LRRC69: variants seen among roughly 807,000 people sequenced by gnomAD.
The protein encoded by LRRC69 is leucine rich repeat containing 69, also known as leucine-rich repeat-containing protein 69.
Under a neutral mutation model 37.8 loss-of-function variants are expected in LRRC69, and 42 were observed. The observed-to-expected ratio is 1.11, with a 90% CI of 0.87 to 1.44. The LOEUF (loss-of-function observed/expected upper bound fraction) is 1.44, where lower values mean the gene tolerates loss of function less well. LRRC69 is among the 40% of genes most tolerant of loss of function. The pLI, the probability that LRRC69 is intolerant of heterozygous loss-of-function variation, is 0.00. For synonymous variants in LRRC69, 141 were observed against 143.1 expected (o/e 0.99, Z 0.11); for missense variants, 357 against 401.9 (o/e 0.89, Z 0.96).
intron 2 of LRRC69, 75 bp downstream of exon 2, chr8:91,124,694 G>A: frequency 7.7e-7 from 1 of 1,291,644 alleles, no homozygotes; most frequent in Admixed American, 3.4e-5. Context: ...AGACTGAAAT[G>A]AAAAAGAATT....
At chr8:91,155,129 T>C (rs1282630222) in intron 5 of LRRC69, among the ~76,000 whole-genome samples, 1 of 151,430 alleles carries the variant, frequency 6.6e-6, no homozygotes, top group Non-Finnish European at 1.5e-5. Flanking sequence ...TCACAATTGC[T>C]ACAAAGAGAT....
At chr8:91,158,385 ACT>A (rs780334786) in intron 5 of LRRC69, 16 of 1,410,952 alleles carry the variant, frequency 1.1e-5, no homozygotes, top group Admixed American at 1.7e-5. Context: ...ATCAAAACAA[ACT>A]CTGATCACCC....
chr8:91,167,617 C>T (rs1809052246), intron 5 of LRRC69, among the ~76,000 whole-genome samples: 1 of 151,972 alleles, frequency 6.6e-6, no homozygotes, highest in Non-Finnish European at 1.5e-5. Context: ...ACAATCAGCT[C>T]CCTGGGGCGC....
chr8:91,115,166 A>G (rs1053932417), intron 1 of LRRC69, among the ~76,000 whole-genome samples: 1 of 152,012 alleles, frequency 6.6e-6, no homozygotes, highest in Admixed American at 6.6e-5. Flanking sequence ...TATACTTGAA[A>G]TTTGCTCAAG....
chr8:91,191,979 A>G (rs28498511), intron 6 of LRRC69, among the ~76,000 whole-genome samples: 4,341 of 142,672 alleles, frequency 0.03, 227 homozygotes, highest in African/African-American at 0.11. Flanking sequence ...ATATCTCCCA[A>G]TGCTATCCCT....
At chr8:91,127,209 A>G in intron 3 of LRRC69, 49 bp downstream of exon 3, 1 of 1,324,660 alleles carries the variant, frequency 7.5e-7, no homozygotes, top group Non-Finnish European at 1.1e-6. Context: ...CCCCTCCTCT[A>G]TCCCCACCCT....
chr8:91,152,131 C>A (rs1808750689), intron 5 of LRRC69, among the ~76,000 whole-genome samples: 1 of 151,016 alleles, frequency 6.6e-6, no homozygotes, highest in African/African-American at 2.4e-5. Flanking sequence ...TGCATACACT[C>A]TTTAATTAGA....
intron 1 of LRRC69, chr8:91,118,682 A>G (rs1026081407): frequency 2.5e-5 from 4 of 161,898 alleles, no homozygotes; most frequent in Non-Finnish European, 4.1e-5. Flanking sequence ...GAGAATACCA[A>G]TAGAACTTCA....
rs1226797064 is a variant in LRRC69, at chr8:91,140,945, G to A, written c.651+5206G>A. Reference sequence around the variant, plus strand: ...TGGGATTACAGGCGTGAGCCACCGCGCCCGGCCTCAATATGTGATTTTTAA... The same window carrying A: ...TGGGATTACAGGCGTGAGCCACCGCACCCGGCCTCAATATGTGATTTTTAA... On this transcript the variant is annotated intron_variant, in intron 5 of 7. Transcript: ENST00000448384. Among the ~76,000 whole-genome samples the A allele has an allele frequency of 1.2e-4, 2 of 17,186 alleles. 1 individual carries two copies. The highest frequency in any genetic ancestry group is 6.1e-4 in the African/African-American group (2 of 3,278). The allele number at this position is 17,186 out of a possible 152,430, so 11.3% of individuals were successfully genotyped here. A position where few individuals can be genotyped will look rare whatever the true frequency, so the allele number is the denominator to read the frequency against.
intron 1 of LRRC69, among the ~76,000 whole-genome samples, chr8:91,117,811 CAT>C (rs1813538079): frequency 1.3e-5 from 2 of 151,760 alleles, no homozygotes; most frequent in Admixed American, 1.3e-4. Flanking sequence ...GTCCCACTAA[CAT>C]ATGTGCTATG....
At chr8:91,185,341 GTCTGTCTC>G (rs1241359757) in intron 5 of LRRC69, among the ~76,000 whole-genome samples, 1 of 146,398 alleles carries the variant, frequency 6.8e-6, no homozygotes, top group African/African-American at 2.5e-5. Flanking sequence ...CTGTCTGTCT[GTCTGTCTC>G]TCTCTCTCTC....
intron 5 of LRRC69, among the ~76,000 whole-genome samples, chr8:91,138,373 A>T (rs1247106013): frequency 6.6e-6 from 1 of 151,936 alleles, no homozygotes; most frequent in Non-Finnish European, 1.5e-5. Flanking sequence ...ATTACTTTTA[A>T]GTGTACTCTT....
intron 1 of LRRC69, among the ~76,000 whole-genome samples, chr8:91,123,139 T>C (rs1292119011): frequency 6.6e-6 from 1 of 152,072 alleles, no homozygotes; most frequent in Non-Finnish European, 1.5e-5. Context: ...GATCATCCCC[T>C]GGAGTTTCCG....
intron 5 of LRRC69, among the ~76,000 whole-genome samples, chr8:91,141,021 C>T (rs1483806154): frequency 6.6e-6 from 1 of 151,946 alleles, no homozygotes; most frequent in Non-Finnish European, 1.5e-5. Context: ...CTTTTTCTGA[C>T]ATTTTTATTT....
At chr8:91,124,608 C>T (rs1813687884) in exon 2 of LRRC69, 1 of 1,535,892 alleles carries the variant, frequency 6.5e-7, no homozygotes, top group Non-Finnish European at 8.8e-7. Flanking sequence ...AGATTTGCAC[C>T]TGGAGCCTGT....
At chr8:91,191,732 G>A (rs1431089980) in intron 6 of LRRC69, among the ~76,000 whole-genome samples, 1 of 152,194 alleles carries the variant, frequency 6.6e-6, no homozygotes, top group African/African-American at 2.4e-5. Context: ...TCTGGTAGCT[G>A]TCTTACAGAG....
At chr8:91,206,978 T>A (rs1446773669) in intron 7 of LRRC69, 2 of 499,156 alleles carry the variant, frequency 4.0e-6, no homozygotes, top group Non-Finnish European at 6.0e-6. Context: ...TATTCCCCAT[T>A]TACTTCAGCT....
At chr8:91,176,134 A>ATATATTTTTTTTTTTTTTT in intron 5 of LRRC69, among the ~76,000 whole-genome samples, 4 of 75,698 alleles carry the variant, frequency 5.3e-5, no homozygotes, top group East Asian at 3.4e-4. Context: ...ATATATATAT[A>ATATATTTTTTTTTTTTTTT]TTTTTTTTTT....
At chr8:91,195,354 T>G (rs989836048) in intron 6 of LRRC69, among the ~76,000 whole-genome samples, 117 of 151,442 alleles carry the variant, frequency 7.7e-4, no homozygotes, top group Admixed American at 1.9e-3. Flanking sequence ...TAGATGTCTA[T>G]TAGGTCCGCT....
Sources: allele counts gnomAD v4.1 joint callset (sites outside exome capture counted in the v4.1 genomes callset), GRCh38; gene constraint gnomAD v4.1.1; transcripts MANE v1.5; gene names NCBI Gene and HGNC (gene_info 2026-07-23, HGNC 2026-07-21).